The following WDR7 variants were observed in gnomAD, a reference collection of about 807,000 sequenced individuals.
WDR7 encodes the protein WD repeat domain 7.
In WDR7, 46 loss-of-function variants were observed where a neutral mutation model predicts 169.4. The ratio of observed to expected loss-of-function variants is 0.27; its 90% CI spans 0.21 to 0.35. The LOEUF is 0.35. Ranked by LOEUF, WDR7 falls within the 10% of genes least tolerant of loss-of-function variation. WDR7 has a pLI of 1.00. For synonymous variants in WDR7, 612 were observed against 666.8 expected (o/e 0.92, Z 1.27); for missense variants, 1,534 against 1,859.3 (o/e 0.83, Z 3.22).
intron 20 of WDR7, among the ~76,000 whole-genome samples, chr18:56,820,359 A>AAAAAAAAAAAAAAAACAAAAAC (rs1044771844): frequency 5.5e-5 from 7 of 127,462 alleles, no homozygotes; most frequent in African/African-American, 2.5e-4. Context: ...AAAAAAAAAA[A>AAAAAAAAAAAAAAAACAAAAAC]AAAAACCACC....
intron 16 of WDR7, among the ~76,000 whole-genome samples, chr18:56,765,531 C>A (rs1378111531): frequency 6.6e-6 from 1 of 151,848 alleles, no homozygotes; most frequent in Admixed American, 6.6e-5. Context: ...ATTAGCATTT[C>A]TCATCTCCTG....
At chr18:56,683,011 A>G (rs2025379608) in intron 5 of WDR7, among the ~76,000 whole-genome samples, 158 bp downstream of exon 5, 1 of 152,208 alleles carries the variant, frequency 6.6e-6, no homozygotes, top group Non-Finnish European at 1.5e-5. Context: ...TTCCTTCATA[A>G]AGAAATCTTT....
chr18:56,773,308 A>T (rs1345603288), intron 16 of WDR7, among the ~76,000 whole-genome samples: 4 of 151,770 alleles, frequency 2.6e-5, no homozygotes, highest in African/African-American at 9.7e-5. Flanking sequence ...ATTACTACAC[A>T]TACAAGGTTG....
At chr18:56,678,196 C>G (rs912240688) in intron 2 of WDR7, among the ~76,000 whole-genome samples, 5 of 152,126 alleles carry the variant, frequency 3.3e-5, no homozygotes, top group Non-Finnish European at 5.9e-5. Context: ...TGAGTTTTCT[C>G]AAAACAGAGA....
In WDR7 at chr18:56,876,722, T is replaced by C. The variant is rs569802974; in HGVS notation, c.3305-3222T>C. The stretch of plus-strand genomic sequence containing the variant: ...ACGTGACTGGCAATGTTAACCATAA[T>C]GTAAAATAGTGGAAATAAGTGAGTT... On this transcript the variant is annotated intron_variant, in intron 20 of 27. Coordinates refer to ENST00000254442, the MANE Select transcript of WDR7 (RefSeq NM_015285.3). Among the ~76,000 whole-genome samples, 14 of 152,048 alleles carry C rather than the reference T, an allele frequency of 9.2e-5. No individual in the cohort carries two copies. In the East Asian group the frequency reaches 9.7e-4, roughly 11 times the overall value.
chr18:57,033,325 T>A (rs1174715349), downstream of WDR7: 1 of 152,170 alleles, frequency 6.6e-6, no homozygotes, highest in African/African-American at 2.4e-5. Flanking sequence ...GGGGATGTTA[T>A]AATGTAGGAA....
At chr18:56,832,385 CG>C (rs1158293748) in intron 20 of WDR7, among the ~76,000 whole-genome samples, 5 of 152,132 alleles carry the variant, frequency 3.3e-5, no homozygotes, top group African/African-American at 7.2e-5. Flanking sequence ...ACAGAGCACC[CG>C]GGGAAAGGGG....
rs1045993678 is a variant in WDR7 at position 56,706,160 on chromosome 18, C to T, written c.1578+9698C>T. On this transcript the variant is annotated intron_variant, in intron 12 of 27. Transcript: ENST00000254442. ...GGACTGTACTGAGAGGGAAAATGTT[C>T]ATGTTATTTGTCTAAAGAAAGATTT... is the stretch of plus-strand genomic sequence containing the variant. 2.0e-5 allele frequency among the ~76,000 whole-genome samples: 3 copies of T among 152,040 alleles called. No homozygotes were observed. The East Asian group carries it at 5.8e-4, about 29-fold the overall frequency.
intron 1 of WDR7, among the ~76,000 whole-genome samples, chr18:56,654,371 C>G (rs1019615315): frequency 2.6e-5 from 4 of 152,212 alleles, no homozygotes; most frequent in African/African-American, 7.2e-5. Flanking sequence ...ACCTTGTGAT[C>G]TGCCTGCCTC....
chr18:56,806,456 A>G (rs1026933852), intron 19 of WDR7, among the ~76,000 whole-genome samples: 12 of 152,122 alleles, frequency 7.9e-5, no homozygotes, highest in African/African-American at 2.9e-4. Flanking sequence ...ACATGTGGAC[A>G]TGTGTGTGCA....
intron 19 of WDR7, among the ~76,000 whole-genome samples, chr18:56,807,644 A>G (rs933817521): frequency 1.3e-5 from 2 of 151,662 alleles, no homozygotes; most frequent in African/African-American, 4.8e-5. Flanking sequence ...AGAATTGCTA[A>G]TAATTACATT....
chr18:56,795,874 A>G (rs1390408049), intron 19 of WDR7, among the ~76,000 whole-genome samples: 1 of 152,206 alleles, frequency 6.6e-6, no homozygotes, highest in Admixed American at 6.5e-5. Flanking sequence ...GGATCATACC[A>G]CCAAGTTGAT....
chr18:56,671,359 G>T (rs1441455850), intron 1 of WDR7, among the ~76,000 whole-genome samples: 1 of 150,362 alleles, frequency 6.7e-6, no homozygotes, highest in Non-Finnish European at 1.5e-5. Context: ...TGCGATCTTG[G>T]CTCACTGCAA....
intron 14 of WDR7, among the ~76,000 whole-genome samples, chr18:56,754,373 G>GTGTATATATACGTGTATATATACACA (rs2043847578): frequency 2.7e-5 from 4 of 147,322 alleles, no homozygotes; most frequent in African/African-American, 1.0e-4. Flanking sequence ...ATATATACAC[G>GTGTATATATACGTGTATATATACACA]TATATATGTG....
intron 20 of WDR7, among the ~76,000 whole-genome samples, chr18:56,857,477 G>A (rs78806198): frequency 1.3e-5 from 2 of 151,970 alleles, no homozygotes; most frequent in Admixed American, 6.6e-5. Flanking sequence ...GGCCGGTCAC[G>A]AACTCCTGAG....
At chr18:56,682,530 A>G (rs1039870486) in intron 4 of WDR7, 149 bp from the exon 5 acceptor site, 3 of 795,964 alleles carry the variant, frequency 3.8e-6, no homozygotes, top group African/African-American at 1.7e-5. Context: ...CCCATATAAT[A>G]TGTACCATTT....
intron 26 of WDR7, among the ~76,000 whole-genome samples, chr18:57,007,263 G>A (rs1330527116): frequency 2.0e-5 from 3 of 152,182 alleles, no homozygotes; most frequent in Non-Finnish European, 4.4e-5. Flanking sequence ...ACAGGCGTGA[G>A]CCACCGCTCC....
At chr18:56,860,242 A>G (rs1426826744) in intron 20 of WDR7, among the ~76,000 whole-genome samples, 1 of 152,166 alleles carries the variant, frequency 6.6e-6, no homozygotes, top group African/African-American at 2.4e-5. Flanking sequence ...CTAAATTCTT[A>G]TAACCATTAA....
At chr18:56,822,166 C>T (rs117890825) in intron 20 of WDR7, among the ~76,000 whole-genome samples, 2,046 of 152,160 alleles carry the variant, frequency 0.013, 19 homozygotes, top group African/African-American at 0.016. Context: ...AAAAAATCAC[C>T]GCATATTCGT....
Sources: gnomAD v4.1 joint callset for allele counts (sites outside exome capture counted in the v4.1 genomes callset) on GRCh38, gnomAD v4.1.1 for gene constraint, MANE v1.5 for transcripts, NCBI Gene and HGNC (gene_info 2026-07-23, HGNC 2026-07-21) for gene names.